Variants in ZFYVE28 observed in about 807,000 individuals in gnomAD.
ZFYVE28 encodes lateral signaling target protein 2 homolog.
A neutral mutation model predicts 82.1 loss-of-function variants in ZFYVE28; 40 were observed. The ratio of observed to expected loss-of-function variants is 0.49; its 90% CI spans 0.38 to 0.63. ZFYVE28 has a LOEUF of 0.63. ZFYVE28 is among the 30% of genes least tolerant of loss of function. ZFYVE28 has a pLI of 0.00. For synonymous variants in ZFYVE28, 612 were observed against 546.1 expected (o/e 1.12, Z -1.68); for missense variants, 1,321 against 1,242.1 (o/e 1.06, Z -0.96).
At chr4:2,379,612 G>A (rs1468185126) in intron 1 of ZFYVE28, among the ~76,000 whole-genome samples, 1 of 151,990 alleles carries the variant, frequency 6.6e-6, no homozygotes, top group African/African-American at 2.4e-5. Flanking sequence ...GATGGCACGC[G>A]CACCTCTGCC....
At chr4:2,403,969 CGGA>C (rs1371028447) in intron 1 of ZFYVE28, among the ~76,000 whole-genome samples, 6 of 42,036 alleles carry the variant, frequency 1.4e-4, no homozygotes, top group Admixed American at 1.2e-3. Context: ...AACTCCATTT[CGGA>C]AAAAAAAAAA....
intron 2 of ZFYVE28, among the ~76,000 whole-genome samples, chr4:2,349,665 T>G (rs1560256748): frequency 6.6e-6 from 1 of 152,232 alleles, no homozygotes; most frequent in African/African-American, 2.4e-5. Flanking sequence ...TCATGGCATC[T>G]GCATGCTGCT....
intron 2 of ZFYVE28, among the ~76,000 whole-genome samples, chr4:2,346,099 C>T (rs930117787): frequency 1.4e-4 from 21 of 148,296 alleles, no homozygotes; most frequent in Admixed American, 1.1e-3. Context: ...GAGGCCAGGG[C>T]GGGTGGATCA....
chr4:2,289,003 G>T (rs146494671), intron 8 of ZFYVE28, among the ~76,000 whole-genome samples: 46 of 151,970 alleles, frequency 3.0e-4, no homozygotes, highest in African/African-American at 1.1e-3. Context: ...GAGTGCTAAG[G>T]CTGGGCATGG....
At chr4:2,309,024 A>T (rs1356228472) in intron 7 of ZFYVE28, among the ~76,000 whole-genome samples, 2 of 152,216 alleles carry the variant, frequency 1.3e-5, no homozygotes, top group African/African-American at 2.4e-5. Flanking sequence ...GGTATTTGCT[A>T]TGGTTTAGGG....
intron 7 of ZFYVE28, among the ~76,000 whole-genome samples, chr4:2,310,292 G>A (rs1167991629): frequency 6.6e-6 from 1 of 152,126 alleles, no homozygotes; most frequent in Non-Finnish European, 1.5e-5. Flanking sequence ...TCCTGCCTCA[G>A]CCTTCCAAAG....
chr4:2,282,617 T>C (rs1199959375), intron 8 of ZFYVE28, among the ~76,000 whole-genome samples: 3 of 152,198 alleles, frequency 2.0e-5, no homozygotes, highest in Non-Finnish European at 4.4e-5. Flanking sequence ...CAAATGAATC[T>C]GATGCAGCAA....
chr4:2,388,956 G>A (rs1412132588), intron 1 of ZFYVE28, among the ~76,000 whole-genome samples: 2 of 152,058 alleles, frequency 1.3e-5, no homozygotes, highest in Non-Finnish European at 2.9e-5. Context: ...CCCACAGAGA[G>A]GGAGTGGCCA....
intron 6 of ZFYVE28, among the ~76,000 whole-genome samples, chr4:2,323,030 A>C (rs574933977): frequency 1.5e-4 from 23 of 152,298 alleles, no homozygotes; most frequent in Non-Finnish European, 2.1e-4. Context: ...TTGTTCACGG[A>C]CATATGTTTT....
chr4:2,298,022 GAC>G (rs1714896776), intron 8 of ZFYVE28, among the ~76,000 whole-genome samples: 1 of 148,926 alleles, frequency 6.7e-6, no homozygotes, highest in Non-Finnish European at 1.5e-5. Context: ...GACGAGCAGT[GAC>G]AGTGGGGTGA....
At chr4:2,360,564 C>T (rs1245848926) in intron 1 of ZFYVE28, among the ~76,000 whole-genome samples, 1 of 152,104 alleles carries the variant, frequency 6.6e-6, no homozygotes, top group African/African-American at 2.4e-5. Context: ...GTGCCTGGGG[C>T]GGGAGCAGGA....
chr4:2,295,360 G>A (rs1208169319), intron 8 of ZFYVE28, among the ~76,000 whole-genome samples: 9 of 151,520 alleles, frequency 5.9e-5, no homozygotes, highest in Middle Eastern at 3.4e-3. Flanking sequence ...TAGTAAAGAC[G>A]GGGTTTTACC....
intron 1 of ZFYVE28, among the ~76,000 whole-genome samples, chr4:2,404,520 A>G (rs1228069368): frequency 6.6e-6 from 1 of 152,280 alleles, no homozygotes; most frequent in East Asian, 1.9e-4. Context: ...TTATTCAGCC[A>G]TAAAAATGAA....
rs1443157148 is a variant in ZFYVE28 at position 2,372,504 on chromosome 4, T to C, written c.40-18431A>G. Among the ~76,000 whole-genome samples the C allele has an allele frequency of 6.6e-6, 1 of 151,980 alleles. No individual in the cohort carries two copies. Among genetic ancestry groups the C allele is most frequent in the Non-Finnish European group, 1.5e-5 (1 of 67,980 alleles). ...GGTCTCTGCCTGGACGTCACCATCA[T>C]CGAGGCCTCCTAGCCCCTCCAGCAC... On this transcript the variant is annotated intron_variant, in intron 1 of 12. Coordinates refer to ENST00000290974, the MANE Select transcript of ZFYVE28 (RefSeq NM_020972.3). The surrounding 1 kb of genome is among the most constrained non-coding windows in gnomAD (Gnocchi z 5.2).
chr4:2,304,391 T>G lies in ZFYVE28; in HGVS notation c.1949A>C (p.Gln650Pro). 1 of 1,612,932 alleles carries G rather than the reference T, an allele frequency of 6.2e-7. No homozygotes were observed. Among genetic ancestry groups the G allele is most frequent in the Non-Finnish European group, 8.5e-7 (1 of 1,179,996 alleles). Reference sequence around the variant, plus strand: ...CTGACCTGCAACCCCAGCCTCTCCTTGCAGCCCACTCGCTGTGTCCACCTG... The same window carrying G: ...CTGACCTGCAACCCCAGCCTCTCCTGGCAGCCCACTCGCTGTGTCCACCTG... ...GSQVDTASGL[Q>P]GEAGVAGQQE... Residue 650 changes from glutamine (Q) to proline (P), a missense_variant, in exon 8 of 13, where the codon CAA becomes CCA. Coordinates refer to ENST00000290974, the MANE Select transcript of ZFYVE28 (RefSeq NM_020972.3).
rs1418080929 is a variant in ZFYVE28, at chr4:2,334,744, C to CT, written c.701+960_701+961insA. 3.6e-4 allele frequency among the ~76,000 whole-genome samples: 21 copies of CT among 58,466 alleles called. No individual in the cohort carries two copies. The South Asian group carries it at 3.7e-3, about 10-fold the overall frequency. The allele number at this position is 58,466 out of a possible 152,430, so 38.4% of individuals were successfully genotyped here. A position where few individuals can be genotyped will look rare whatever the true frequency, so the allele number is the denominator to read the frequency against. On this transcript the variant is annotated intron_variant, in intron 6 of 12. Coordinates refer to ENST00000290974, the MANE Select transcript of ZFYVE28 (RefSeq NM_020972.3). Reference sequence around the variant, plus strand: ...TGGCCGCTGCCCACTGGACCCTCCCCCTTCCCCCTCCCCTTCCCCCTCCCC... The same window carrying CT: ...TGGCCGCTGCCCACTGGACCCTCCCCTCTTCCCCCTCCCCTTCCCCCTCCCC...
intron 1 of ZFYVE28, among the ~76,000 whole-genome samples, chr4:2,371,863 G>A (rs575000199): frequency 7.2e-5 from 11 of 151,990 alleles, no homozygotes; most frequent in African/African-American, 2.4e-4. Context: ...CCCACCCAGC[G>A]TGAGAAGCCG....
rs1482103337 is a variant in ZFYVE28, at chr4:2,409,185, C to A, written c.39+9100G>T. ...ACCCCCATCTCCACCCTCCACCTCG[C>A]AGCTCCTCTCCTGAGCTCCCCATCC... On this transcript the variant is annotated intron_variant, in intron 1 of 12. Coordinates refer to ENST00000290974, the MANE Select transcript of ZFYVE28 (RefSeq NM_020972.3). This position sits in a 1 kb window ranked among gnomAD's most constrained non-coding sequence, Gnocchi z 4.4. Among the ~76,000 whole-genome samples, 1 of 151,732 alleles carries A rather than the reference C, an allele frequency of 6.6e-6. No individual in the cohort carries two copies. The highest frequency in any genetic ancestry group is 1.5e-5 in the Non-Finnish European group (1 of 67,916).
At chr4:2,360,811 C>T (rs1578247723) in intron 1 of ZFYVE28, among the ~76,000 whole-genome samples, 1 of 152,162 alleles carries the variant, frequency 6.6e-6, no homozygotes, top group Non-Finnish European at 1.5e-5. Context: ...CTGTCCAGCA[C>T]GACGGGGCTC....
Sources: gnomAD v4.1 joint callset for allele counts (sites outside exome capture counted in the v4.1 genomes callset) on GRCh38, gnomAD v4.1.1 for gene constraint, Gnocchi (gnomAD v3.1) non-coding constraint, MANE v1.5 for transcripts, NCBI Gene and HGNC (gene_info 2026-07-23, HGNC 2026-07-21) for gene names.